Variants in PITPNC1 observed in about 807,000 individuals in gnomAD.
The protein encoded by PITPNC1 is cytoplasmic phosphatidylinositol transfer protein 1.
A neutral mutation model predicts 44.7 loss-of-function variants in PITPNC1; 18 were observed. The ratio of observed to expected loss-of-function variants is 0.40; its 90% CI spans 0.28 to 0.60. PITPNC1 has a LOEUF of 0.60. Ranked by LOEUF, PITPNC1 falls within the 20% of genes least tolerant of loss-of-function variation. The pLI is 0.39. For synonymous variants in PITPNC1, 141 were observed against 149.6 expected (o/e 0.94, Z 0.42); for missense variants, 290 against 418.4 (o/e 0.69, Z 2.68).
chr17:67,658,133 C>T (rs909714799), intron 6 of PITPNC1, among the ~76,000 whole-genome samples: 1 of 152,160 alleles, frequency 6.6e-6, no homozygotes, highest in African/African-American at 2.4e-5. Flanking sequence ...AGACTATGGC[C>T]CTGGTGACAG....
intron 1 of PITPNC1, among the ~76,000 whole-genome samples, chr17:67,434,093 G>C (rs1257403347): frequency 6.6e-6 from 1 of 152,122 alleles, no homozygotes; most frequent in Non-Finnish European, 1.5e-5. Flanking sequence ...AGCAGCAGAA[G>C]CTGTGGTTTA....
chr17:67,440,727 A>G (rs1301459947), intron 1 of PITPNC1, among the ~76,000 whole-genome samples: 1 of 150,448 alleles, frequency 6.6e-6, no homozygotes, highest in Non-Finnish European at 1.5e-5. Context: ...AATTTTTTTT[A>G]TAGGGATAGG....
rs1567788042 is a variant in PITPNC1, at chr17:67,695,624, AT to A, written c.*2737del. On this transcript the variant is annotated 3_prime_UTR_variant, in exon 9 of 9. Transcript: ENST00000581322. ...TACCTGTGTATATATATATATATAT[AT>A]ATATATAAATATAAATATAGTATAG... 7 of 147,698 alleles carry A rather than the reference AT, an allele frequency of 4.7e-5. No individual in the cohort carries two copies. The highest frequency in any genetic ancestry group is 3.4e-4 in the Admixed American group (5 of 14,706). The allele number at this position is 147,698 out of a possible 1,614,324, so 9.1% of individuals were successfully genotyped here. A position where few individuals can be genotyped will look rare whatever the true frequency, so the allele number is the denominator to read the frequency against.
rs1308678601 is a variant in PITPNC1 at position 67,675,258 on chromosome 17, CAA to C, written c.619-219_619-218del. Among the ~76,000 whole-genome samples the C allele has an allele frequency of 3.9e-5, 6 of 152,170 alleles. No individual in the cohort carries two copies. In the South Asian group the frequency reaches 1.2e-3, roughly 32 times the overall value. ...CACCCAGCCCTACTCTCAAATAAGA[CAA>C]AGAGATGAATATACTGCAAGTGTGT... is the stretch of plus-strand genomic sequence containing the variant. On this transcript the variant is annotated intron_variant, in intron 7 of 8. Transcript: ENST00000581322.
intron 2 of PITPNC1, among the ~76,000 whole-genome samples, chr17:67,541,158 A>C (rs1215408823): frequency 6.6e-6 from 1 of 152,172 alleles, no homozygotes; most frequent in Non-Finnish European, 1.5e-5. Flanking sequence ...GATGTTGCAG[A>C]GAGCCAAGAC....
At chr17:67,664,917 AAAAG>A (rs200514430) in intron 6 of PITPNC1, among the ~76,000 whole-genome samples, 6,294 of 151,656 alleles carry the variant, frequency 0.042, 421 homozygotes, top group African/African-American at 0.15. Context: ...AAAAAAAAAA[AAAAG>A]AAGAAGAAGA....
chr17:67,522,033 G>GT (rs2040331676), intron 1 of PITPNC1, among the ~76,000 whole-genome samples: 1 of 152,154 alleles, frequency 6.6e-6, no homozygotes. Context: ...GCTGGGCATG[G>GT]TGATTCATGC....
In PITPNC1 at chr17:67,676,084, G is replaced by A. The variant is rs2042596699; in HGVS notation, c.682+542G>A. 6.6e-6 allele frequency among the ~76,000 whole-genome samples: 1 copy of A among 152,060 alleles called. No individual in the cohort carries two copies. The highest frequency in any genetic ancestry group is 1.5e-5 in the Non-Finnish European group (1 of 68,016). ...TAGCCGGGCATGGTGGCAGGCACCT[G>A]TAGTCCCAGCTACTCAGGAGGCTGA... On this transcript the variant is annotated intron_variant, in intron 8 of 8. Coordinates refer to ENST00000581322, the MANE Select transcript of PITPNC1 (RefSeq NM_012417.4). The surrounding 1 kb of genome is among the most constrained non-coding windows in gnomAD (Gnocchi z 4.0).
chr17:67,596,669 C>A (rs916850644), intron 5 of PITPNC1, among the ~76,000 whole-genome samples: 2 of 152,080 alleles, frequency 1.3e-5, no homozygotes, highest in Non-Finnish European at 2.9e-5. Context: ...AGCCACCACG[C>A]CTGGCTTGAG....
chr17:67,611,173 T>A (rs1271461791), intron 5 of PITPNC1: 1 of 152,128 alleles, frequency 6.6e-6, no homozygotes, highest in Non-Finnish European at 1.5e-5. Context: ...TAGAAGAAGG[T>A]CTGAGGGATG....
At chr17:67,667,159 C>T (rs1035684316) in intron 6 of PITPNC1, among the ~76,000 whole-genome samples, 8 of 152,128 alleles carry the variant, frequency 5.3e-5, no homozygotes, top group African/African-American at 1.9e-4. Flanking sequence ...CCAACATCCC[C>T]GTGAACAGGA....
chr17:67,517,440 C>A (rs551321650), intron 1 of PITPNC1, among the ~76,000 whole-genome samples: 2 of 152,146 alleles, frequency 1.3e-5, no homozygotes, highest in African/African-American at 2.4e-5. Flanking sequence ...TGAAAACATA[C>A]GTCCTCAAAA....
At chr17:67,585,857 G>A (rs1223589282) in intron 5 of PITPNC1, among the ~76,000 whole-genome samples, 1 of 152,184 alleles carries the variant, frequency 6.6e-6, no homozygotes, top group Non-Finnish European at 1.5e-5. Context: ...GTAGGGAGAA[G>A]GCAGCCATCC....
intron 1 of PITPNC1, among the ~76,000 whole-genome samples, chr17:67,449,729 T>G (rs1489209601): frequency 6.6e-6 from 1 of 152,266 alleles, no homozygotes; most frequent in Admixed American, 6.5e-5. Flanking sequence ...TACAGCTAGC[T>G]GTCCAAACAG....
chr17:67,539,641 A>G (rs1010987945), intron 2 of PITPNC1, among the ~76,000 whole-genome samples: 13 of 152,294 alleles, frequency 8.5e-5, no homozygotes, highest in Admixed American at 7.8e-4. Context: ...GATCGAGACC[A>G]TCCTGGCTAA....
At chr17:67,633,738 T>G (rs1482904857) in intron 6 of PITPNC1, among the ~76,000 whole-genome samples, 2 of 152,268 alleles carry the variant, frequency 1.3e-5, no homozygotes, top group African/African-American at 2.4e-5. Flanking sequence ...CCGCCAGTGC[T>G]TAATGGGGCT....
At chr17:67,572,559 G>C (rs938937913) in intron 4 of PITPNC1, among the ~76,000 whole-genome samples, 2 of 151,104 alleles carry the variant, frequency 1.3e-5, no homozygotes, top group African/African-American at 4.9e-5. Flanking sequence ...CTGTTAGAGT[G>C]TGAGCTTACC....
rs1357367616 is a variant in PITPNC1 at position 67,451,629 on chromosome 17, CT to C, written c.48+73439del. Among the ~76,000 whole-genome samples the C allele has an allele frequency of 4.1e-3, 588 of 143,208 alleles. 5 individuals are homozygous for C. Among genetic ancestry groups the C allele is most frequent in the East Asian group, 0.04 (199 of 4,978 alleles). The allele number at this position is 143,208 out of a possible 152,430, so 94.0% of individuals were successfully genotyped here. A position where few individuals can be genotyped will look rare whatever the true frequency, so the allele number is the denominator to read the frequency against. On this transcript the variant is annotated intron_variant, in intron 1 of 8. Transcript: ENST00000581322. ...CAACATGTAGTCCTTTGAGACTGAC[CT>C]TTTTTTTTTTTGTTTTGTTTTTTTT...
intron 1 of PITPNC1, among the ~76,000 whole-genome samples, chr17:67,490,076 T>G (rs1419733593): frequency 6.6e-6 from 1 of 152,058 alleles, no homozygotes; most frequent in Admixed American, 6.6e-5. Flanking sequence ...TTTGTACATC[T>G]CAGCCCAAGG....
Sources: allele counts gnomAD v4.1 joint callset (sites outside exome capture counted in the v4.1 genomes callset), GRCh38; gene constraint gnomAD v4.1.1; non-coding constraint Gnocchi (gnomAD v3.1); transcripts MANE v1.5; gene names NCBI Gene and HGNC (gene_info 2026-07-23, HGNC 2026-07-21).